Variants in TAOK3 observed in about 807,000 individuals in gnomAD.
The protein encoded by TAOK3 is TAO kinase 3, also known as serine/threonine-protein kinase TAO3.
Under a neutral mutation model 120.4 loss-of-function variants are expected in TAOK3, and 40 were observed. That is an observed-to-expected ratio of 0.33 (90% CI 0.26 to 0.43). The LOEUF (loss-of-function observed/expected upper bound fraction) is 0.43. Ranked by LOEUF, TAOK3 falls within the 20% of genes least tolerant of loss-of-function variation. The pLI, the probability that TAOK3 is intolerant of heterozygous loss-of-function variation, is 1.00. For synonymous variants in TAOK3, 355 were observed against 387.5 expected (o/e 0.92, Z 0.99); for missense variants, 821 against 1,112.1 (o/e 0.74, Z 3.72).
intron 2 of TAOK3, among the ~76,000 whole-genome samples, chr12:118,262,143 G>A (rs943156067): frequency 2.0e-4 from 30 of 152,082 alleles, no homozygotes; most frequent in African/African-American, 7.0e-4. Flanking sequence ...TGACAGGTGT[G>A]AGCCACTGTG....
At chr12:118,312,159 T>G (rs1177713804) in intron 1 of TAOK3, among the ~76,000 whole-genome samples, 1 of 152,064 alleles carries the variant, frequency 6.6e-6, no homozygotes, top group Non-Finnish European at 1.5e-5. Flanking sequence ...TTAAAAAACT[T>G]TCTACAAATG....
At chr12:118,329,782 G>C (rs1001623960) in intron 1 of TAOK3, among the ~76,000 whole-genome samples, 1 of 152,084 alleles carries the variant, frequency 6.6e-6, no homozygotes, top group Admixed American at 6.6e-5. Context: ...TTCATATATA[G>C]ATCCATGATA....
chr12:118,198,994 A>C (rs747862974), intron 13 of TAOK3, 57 bp downstream of exon 13: 26 of 1,591,488 alleles, frequency 1.6e-5, no homozygotes, highest in Non-Finnish European at 2.0e-5. Context: ...AGTGACTTGA[A>C]CTGGATTCGC....
At chr12:118,270,696 CAA>C (rs1487316580) in intron 1 of TAOK3, among the ~76,000 whole-genome samples, 1 of 117,988 alleles carries the variant, frequency 8.5e-6, no homozygotes, top group Admixed American at 1.0e-4. Context: ...TTTTTTGAGA[CAA>C]AGTCTTGCTC....
intron 3 of TAOK3, among the ~76,000 whole-genome samples, chr12:118,252,489 C>G (rs1298183669): frequency 2.0e-5 from 3 of 151,960 alleles, no homozygotes; most frequent in Non-Finnish European, 4.4e-5. Flanking sequence ...TATTGTATTT[C>G]TTGATCTGGG....
intron 1 of TAOK3, among the ~76,000 whole-genome samples, chr12:118,290,173 C>T (rs1251017440): frequency 2.6e-5 from 4 of 152,262 alleles, no homozygotes; most frequent in Middle Eastern, 3.4e-3. Flanking sequence ...TAATCCTCAT[C>T]ATGTACAGGA....
At chr12:118,291,757 G>C (rs991959117) in intron 1 of TAOK3, among the ~76,000 whole-genome samples, 4 of 152,090 alleles carry the variant, frequency 2.6e-5, no homozygotes, top group African/African-American at 4.8e-5. Context: ...CTTGCAGTCG[G>C]AGTCTAGTCT....
At position 118,243,491 on chromosome 12, in the gene TAOK3, ACTTC is replaced by A; in HGVS notation, c.214_217del (p.Glu72LeufsTer7). On this transcript the variant is annotated frameshift_variant, in exon 5 of 21. Coordinates refer to ENST00000392533, the MANE Select transcript of TAOK3 (RefSeq NM_016281.4). LOFTEE classifies it high-confidence loss of function. ...ATGCTTCAATTGTCGTAAAAATTTA[ACTTC>A]CTTAAGAATATCTTGCCATTTCTAT... 6.6e-7 allele frequency: 1 copy of A among 1,517,656 alleles called. No homozygotes were observed. Among genetic ancestry groups the A allele is most frequent in the Non-Finnish European group, 8.8e-7 (1 of 1,136,794 alleles). 94.0% of individuals were successfully genotyped at this position (1,517,656 alleles called of 1,614,324 possible).
intron 11 of TAOK3, among the ~76,000 whole-genome samples, chr12:118,208,186 CAAT>C (rs1263278838): frequency 6.6e-6 from 1 of 152,040 alleles, no homozygotes. Flanking sequence ...TTAACCATTT[CAAT>C]AATTTTACCT....
At chr12:118,368,899 C>T (rs2045819517) in intron 1 of TAOK3, among the ~76,000 whole-genome samples, 1 of 150,042 alleles carries the variant, frequency 6.7e-6, no homozygotes, top group African/African-American at 2.4e-5. Context: ...GGGTTTATGC[C>T]TGTAATCCCA....
intron 5 of TAOK3, among the ~76,000 whole-genome samples, chr12:118,240,537 G>C (rs1225629234): frequency 6.6e-6 from 1 of 151,394 alleles, no homozygotes. Flanking sequence ...GTAGGGACGG[G>C]GTTTCACCAT....
intron 3 of TAOK3, among the ~76,000 whole-genome samples, chr12:118,247,263 C>T (rs928725722): frequency 1.1e-4 from 17 of 152,048 alleles, no homozygotes; most frequent in Non-Finnish European, 2.4e-4. Context: ...TTCAGGATTA[C>T]TTATATTTTA....
rs925224400 is a variant in TAOK3, at chr12:118,211,454, G to A, written c.819+1460C>T. Among the ~76,000 whole-genome samples, 9 of 152,030 alleles carry A rather than the reference G, an allele frequency of 5.9e-5. No homozygotes were observed. In the East Asian group the frequency reaches 1.2e-3, roughly 20 times the overall value. On this transcript the variant is annotated intron_variant, in intron 11 of 20. Coordinates refer to ENST00000392533, the MANE Select transcript of TAOK3 (RefSeq NM_016281.4). ...TCACCATTGGAAACATCCTAAATGGGTTGGTTTACTACATGTTCGTTGCTT... is the reference window on the plus strand; with the variant it reads ...TCACCATTGGAAACATCCTAAATGGATTGGTTTACTACATGTTCGTTGCTT...
At chr12:118,156,953 T>C (rs2034872883) in intron 19 of TAOK3, among the ~76,000 whole-genome samples, 1 of 152,116 alleles carries the variant, frequency 6.6e-6, no homozygotes, top group Admixed American at 6.6e-5. Flanking sequence ...CTGGCCAGGC[T>C]GGTCTCGAAC....
intron 1 of TAOK3, among the ~76,000 whole-genome samples, chr12:118,364,956 T>G (rs2045703957): frequency 6.6e-6 from 1 of 152,198 alleles, no homozygotes; most frequent in Non-Finnish European, 1.5e-5. Flanking sequence ...TCACTGTGCT[T>G]GGCACTTTAA....
intron 14 of TAOK3, among the ~76,000 whole-genome samples, chr12:118,186,323 T>C (rs1322235052): frequency 6.6e-6 from 1 of 152,174 alleles, no homozygotes; most frequent in Admixed American, 6.5e-5. Context: ...AGAGGGGCAG[T>C]GAGAATTCCT....
chr12:118,252,632 AAAG>A (rs1336806452), intron 3 of TAOK3, among the ~76,000 whole-genome samples: 2 of 152,296 alleles, frequency 1.3e-5, no homozygotes, highest in Middle Eastern at 3.4e-3. Context: ...ACCTGAGACT[AAAG>A]AAGACAGAAC....
chr12:118,352,444 G>A (rs1165043049), intron 1 of TAOK3, among the ~76,000 whole-genome samples: 2 of 151,334 alleles, frequency 1.3e-5, no homozygotes, highest in African/African-American at 2.4e-5. Flanking sequence ...GGCAGAGGTT[G>A]CAGTGAGCCA....
At chr12:118,262,618 G>A (rs2041279889) in intron 2 of TAOK3, among the ~76,000 whole-genome samples, 1 of 151,990 alleles carries the variant, frequency 6.6e-6, no homozygotes, top group South Asian at 2.1e-4. Context: ...CTTGAGGTGA[G>A]GCGTTCAAGA....
Sources: gnomAD v4.1 joint callset for allele counts (sites outside exome capture counted in the v4.1 genomes callset) on GRCh38, gnomAD v4.1.1 for gene constraint, MANE v1.5 for transcripts, NCBI Gene and HGNC (gene_info 2026-07-23, HGNC 2026-07-21) for gene names.